VLDLR: variants seen among roughly 807,000 people sequenced by gnomAD.
The protein encoded by VLDLR is very low density lipoprotein receptor, also known as very low-density lipoprotein receptor.
A neutral mutation model predicts 112.7 loss-of-function variants in VLDLR; 81 were observed. That is an observed-to-expected ratio of 0.72 (90% CI 0.60 to 0.86). The LOEUF (loss-of-function observed/expected upper bound fraction) is 0.86, where lower values mean the gene tolerates loss of function less well. Ranked by LOEUF, VLDLR falls within the 40% of genes least tolerant of loss-of-function variation. The pLI, the probability that VLDLR is intolerant of heterozygous loss-of-function variation, is 0.00. For synonymous variants in VLDLR, 436 were observed against 384.8 expected (o/e 1.13, Z -1.56); for missense variants, 1,237 against 1,099.4 (o/e 1.13, Z -1.77).
chr9:2,651,468 AT>A lies in VLDLR; in HGVS notation c.2308del (p.Ser770GlnfsTer6). 1 of 1,614,010 alleles carries A rather than the reference AT, an allele frequency of 6.2e-7. No homozygotes were observed. The highest frequency in any genetic ancestry group is 8.5e-7 in the Non-Finnish European group (1 of 1,179,950). On this transcript the variant is annotated frameshift_variant, in exon 16 of 19. Transcript: ENST00000382100. LOFTEE classifies it high-confidence loss of function. The stretch of plus-strand genomic sequence containing the variant: ...GACAAAAGATACGAACACAACAGAA[AT>A]TTCAGCAACTAGTGGACTAGTTCCT... ...SETKDTNTTE[I>X]SATSGLVPGG...
At chr9:2,632,124 C>T (rs909127137) in intron 1 of VLDLR, among the ~76,000 whole-genome samples, 3 of 152,276 alleles carry the variant, frequency 2.0e-5, no homozygotes, top group Middle Eastern at 3.4e-3. Flanking sequence ...CCCAAAGGAG[C>T]AGAGATATTC....
Position 2,622,243 on chromosome 9 carries a change from G to A in VLDLR, c.54G>A (p.Ala18=), listed in dbSNP as rs758086339. ...GGCTGCTGCTCGCGCTGTGCTGGGCGCCCCGGGAGAGCGGCGCCACCGGAA... is the reference window on the plus strand; with the variant it reads ...GGCTGCTGCTCGCGCTGTGCTGGGCACCCCGGGAGAGCGGCGCCACCGGAA... The part of the protein sequence containing the change: ...ALWLLLALCW[A]PRESGATGTG... Residue 18 remains alanine, a synonymous_variant, in exon 1 of 19, where the codon GCG becomes GCA. Coordinates refer to ENST00000382100, the MANE Select transcript of VLDLR (RefSeq NM_003383.5). The A allele has an allele frequency of 6.7e-7, 1 of 1,496,024 alleles. No homozygotes were observed. Among genetic ancestry groups the A allele is most frequent in the South Asian group, 1.3e-5 (1 of 79,062 alleles). 92.7% of individuals were successfully genotyped at this position (1,496,024 alleles called of 1,614,324 possible).
At chr9:2,646,072 G>T (rs1174958277) in intron 10 of VLDLR, among the ~76,000 whole-genome samples, 1 of 151,890 alleles carries the variant, frequency 6.6e-6, no homozygotes, top group Non-Finnish European at 1.5e-5. Context: ...TAGAAACTCA[G>T]ATGATGGATA....
At chr9:2,636,017 C>G (rs1462252617) in intron 2 of VLDLR, among the ~76,000 whole-genome samples, 2 of 152,150 alleles carry the variant, frequency 1.3e-5, no homozygotes, top group East Asian at 3.9e-4. Context: ...CAGCACAGAT[C>G]AAAGATCAGA....
intron 1 of VLDLR, among the ~76,000 whole-genome samples, chr9:2,631,759 G>A (rs760903797): frequency 1.3e-5 from 2 of 152,036 alleles, no homozygotes; most frequent in Admixed American, 6.6e-5. Flanking sequence ...TAACAAAAAC[G>A]TGCTCGCGTG....
At chr9:2,634,853 ATCT>A (rs372405651) in intron 1 of VLDLR, among the ~76,000 whole-genome samples, 1 of 152,184 alleles carries the variant, frequency 6.6e-6, no homozygotes, top group African/African-American at 2.4e-5. Context: ...CTCCTTCTAA[ATCT>A]TCTTCACTGT....
At chr9:2,627,736 G>A (rs1270861368) in intron 1 of VLDLR, among the ~76,000 whole-genome samples, 3 of 151,756 alleles carry the variant, frequency 2.0e-5, no homozygotes, top group African/African-American at 7.3e-5. Context: ...GTGGTGGTGC[G>A]AGCCTGTAAT....
chr9:2,650,372 A>G lies in VLDLR; in HGVS notation c.2107A>G (p.Lys703Glu), dbSNP rs370208560. ...ATGGTATTTTTTTTCCTGACTAGGT[A>G]AAAATTGGTGTGAAGAAGACATGGA... ...VYHELVQPSG[K>E]NWCEEDMENG... The change falls in exon 15 of 19, where the codon AAA becomes GAA. Residue 703 changes from lysine (K) to glutamate (E), a missense_variant and splice_region_variant. Lys to Glu is a moderately conservative substitution (Grantham distance 56). Transcript: ENST00000382100. 22 of 1,614,096 alleles carry G rather than the reference A, an allele frequency of 1.4e-5. No homozygotes were observed. The highest frequency in any genetic ancestry group is 1.5e-5 in the Non-Finnish European group (18 of 1,179,988).
intron 14 of VLDLR, 51 bp from the exon 15 acceptor site, chr9:2,650,319 T>A (rs1435993020): frequency 6.2e-7 from 1 of 1,611,180 alleles, no homozygotes; most frequent in Non-Finnish European, 8.5e-7. Context: ...AGGCTTTATA[T>A]ATACTAGGCA....
In VLDLR at chr9:2,641,620, A is replaced by G. The variant is rs1407094498; in HGVS notation, c.448+121A>G. The G allele has an allele frequency of 1.8e-5, 25 of 1,422,614 alleles. No individual in the cohort carries two copies. The Admixed American group carries it at 4.1e-4, about 23-fold the overall frequency. 88.1% of individuals were successfully genotyped at this position (1,422,614 alleles called of 1,614,324 possible). ...CATTGACTCACTTTTCAGTGACTTCACTATCTGCTCAATTACTTGTCCTTC... is the reference window on the plus strand; with the variant it reads ...CATTGACTCACTTTTCAGTGACTTCGCTATCTGCTCAATTACTTGTCCTTC... On this transcript the variant is annotated intron_variant, in intron 4 of 18. Coordinates refer to ENST00000382100, the MANE Select transcript of VLDLR (RefSeq NM_003383.5).
At chr9:2,622,850 G>A (rs1816888861) in intron 1 of VLDLR, among the ~76,000 whole-genome samples, 2 of 152,100 alleles carry the variant, frequency 1.3e-5, no homozygotes, top group South Asian at 4.1e-4. Context: ...GAGGGCACCC[G>A]GACTGCGACT....
chr9:2,622,388 C>G (rs990266988), intron 1 of VLDLR, 117 bp downstream of exon 1: 4 of 865,120 alleles, frequency 4.6e-6, no homozygotes, highest in Non-Finnish European at 6.4e-6. Context: ...CTCGGTTCTC[C>G]TCGCCTTCCC....
chr9:2,653,168 A>C (rs755598638), intron 18 of VLDLR, among the ~76,000 whole-genome samples: 3 of 152,178 alleles, frequency 2.0e-5, no homozygotes, highest in Non-Finnish European at 2.9e-5. Context: ...ACTTAAAGTC[A>C]CCACTATATT....
In VLDLR at chr9:2,654,025, A is replaced by G. The variant is rs1818484408; in HGVS notation, c.*157A>G. 2.9e-6 allele frequency: 2 copies of G among 700,924 alleles called. No individual in the cohort carries two copies. The highest frequency in any genetic ancestry group is 1.7e-5 in the South Asian group (1 of 59,220). 43.4% of individuals were successfully genotyped at this position (700,924 alleles called of 1,614,324 possible). On this transcript the variant is annotated 3_prime_UTR_variant, in exon 19 of 19. Coordinates refer to ENST00000382100, the MANE Select transcript of VLDLR (RefSeq NM_003383.5). Reference sequence around the variant, plus strand: ...CAAGCTTGTGTACTTGACCGTTTTTATATTACTTTTGTAAATATTCTTGTC... The same window carrying G: ...CAAGCTTGTGTACTTGACCGTTTTTGTATTACTTTTGTAAATATTCTTGTC...
At chr9:2,630,765 T>G (rs998419230) in intron 1 of VLDLR, among the ~76,000 whole-genome samples, 2 of 152,160 alleles carry the variant, frequency 1.3e-5, no homozygotes, top group Non-Finnish European at 2.9e-5. Context: ...GACATTGGTC[T>G]AGACAAGGAA....
chr9:2,647,431 CT>C (rs749642386), intron 11 of VLDLR, 42 bp from the exon 12 acceptor site: 1 of 1,563,932 alleles, frequency 6.4e-7, no homozygotes, highest in South Asian at 1.1e-5. Flanking sequence ...AACTTTATTC[CT>C]TCTAAACCAC....
intron 4 of VLDLR, among the ~76,000 whole-genome samples, chr9:2,641,922 C>T (rs1284416114): frequency 6.7e-6 from 1 of 148,394 alleles, no homozygotes; most frequent in Non-Finnish European, 1.5e-5. Flanking sequence ...GAGTATTATA[C>T]AAGCATTTCT....
Position 2,652,965 on chromosome 9 carries a change from G to A in VLDLR, c.2586+16G>A. 1 of 1,613,906 alleles carries A rather than the reference G, an allele frequency of 6.2e-7. No individual in the cohort carries two copies. Among genetic ancestry groups the A allele is most frequent in the Non-Finnish European group, 8.5e-7 (1 of 1,179,856 alleles). ...GTACCCAGCAGTAAGTCAGCTTTGTGTCTTTATACACCATGGCTTGAAGTG... is the reference window on the plus strand; with the variant it reads ...GTACCCAGCAGTAAGTCAGCTTTGTATCTTTATACACCATGGCTTGAAGTG... On this transcript the variant is annotated intron_variant, in intron 18 of 18. Coordinates refer to ENST00000382100, the MANE Select transcript of VLDLR (RefSeq NM_003383.5).
rs745453754 is a variant in VLDLR, at chr9:2,643,744, A to C, written c.937A>C (p.Lys313Gln). ...CVDGSDEVNC[K>Q]NVNQCLGPGK... ...CGATGGTTCCGATGAAGTCAACTGCAAAAATGGTAAGGGTTTCTTCTTGTT... is the reference window on the plus strand; with the variant it reads ...CGATGGTTCCGATGAAGTCAACTGCCAAAATGGTAAGGGTTTCTTCTTGTT... Residue 313 changes from lysine to glutamine, a missense_variant, in exon 6 of 19, where the codon AAA (lysine) becomes CAA (glutamine). Physicochemically the swap from Lys to Gln is moderately conservative, Grantham distance 53. Coordinates refer to ENST00000382100, the MANE Select transcript of VLDLR (RefSeq NM_003383.5). 5.0e-6 allele frequency: 8 copies of C among 1,614,228 alleles called. No homozygotes were observed. The highest frequency in any genetic ancestry group is 6.8e-6 in the Non-Finnish European group (8 of 1,180,048).
Sources: allele counts gnomAD v4.1 joint callset (sites outside exome capture counted in the v4.1 genomes callset), GRCh38; gene constraint gnomAD v4.1.1; transcripts MANE v1.5; gene names NCBI Gene and HGNC (gene_info 2026-07-23, HGNC 2026-07-21).